The following AGAP1 variants were observed in gnomAD, a reference collection of about 807,000 sequenced individuals.
AGAP1 encodes ArfGAP with GTPase domain, ankyrin repeat and PH domain 1, also known as arf-GAP with GTPase, ANK repeat and PH domain-containing protein 1.
A neutral mutation model predicts 105.3 loss-of-function variants in AGAP1; 29 were observed. That is an observed-to-expected ratio of 0.28 (90% CI 0.21 to 0.38). The LOEUF is 0.38. Ranked by LOEUF, AGAP1 falls within the 10% of genes least tolerant of loss-of-function variation. The pLI, the probability that AGAP1 is intolerant of heterozygous loss-of-function variation, is 1.00. For synonymous variants in AGAP1, 509 were observed against 485.9 expected (o/e 1.05, Z -0.63); for missense variants, 998 against 1,165.1 (o/e 0.86, Z 2.09).
At chr2:235,711,290 C>G (rs1173825609) in intron 2 of AGAP1, among the ~76,000 whole-genome samples, 2 of 152,234 alleles carry the variant, frequency 1.3e-5, no homozygotes, top group African/African-American at 4.8e-5. Flanking sequence ...GCATTACAGA[C>G]TAACTGATCG....
In AGAP1 at chr2:235,557,035, A is replaced by C. The variant is rs976866591; in HGVS notation, c.163+62186A>C. Among the ~76,000 whole-genome samples the C allele has an allele frequency of 6.6e-6, 1 of 152,172 alleles. No individual in the cohort carries two copies. Among genetic ancestry groups the C allele is most frequent in the Non-Finnish European group, 1.5e-5 (1 of 68,030 alleles). ...AGGTTGGGGGGCGGATCCCGAAGGC[A>C]GACTTGGCCTTCCCAGCTGGCGCGG... is the stretch of plus-strand genomic sequence containing the variant. On this transcript the variant is annotated intron_variant, in intron 1 of 17. Transcript: ENST00000304032. The surrounding 1 kb of genome is among the most constrained non-coding windows in gnomAD (Gnocchi z 4.7).
rs1296590656 is a variant in AGAP1 at position 235,752,415 on chromosome 2, G to A, written c.673+1927G>A. Among the ~76,000 whole-genome samples, 3 of 152,166 alleles carry A rather than the reference G, an allele frequency of 2.0e-5. No homozygotes were observed. Among genetic ancestry groups the A allele is most frequent in the Admixed American group, 2.0e-4 (3 of 15,282 alleles). ...GTTGGTCTCAAACTCCTGAGCCCAG[G>A]CAATCTGCCCACCTTGGCCTCCCAA... On this transcript the variant is annotated intron_variant, in intron 6 of 17. Coordinates refer to ENST00000304032, the MANE Select transcript of AGAP1 (RefSeq NM_001037131.3). This position sits in a 1 kb window ranked among gnomAD's most constrained non-coding sequence, Gnocchi z 4.3.
In AGAP1 at chr2:235,792,379, A is replaced by G. The variant is rs547511293; in HGVS notation, c.674-5380A>G. On this transcript the variant is annotated intron_variant, in intron 6 of 17. Transcript: ENST00000304032. The surrounding 1 kb of genome is among the most constrained non-coding windows in gnomAD (Gnocchi z 5.3). ...CTATGGTCCTTATCCAGTAGTACTA[A>G]TGTGCGGAAATACCAGGAGTGGACA... 2.6e-5 allele frequency among the ~76,000 whole-genome samples: 4 copies of G among 152,282 alleles called. No homozygotes were observed. Among genetic ancestry groups the G allele is most frequent in the African/African-American group, 9.6e-5 (4 of 41,564 alleles).
Position 235,712,995 on chromosome 2 carries a change from A to T in AGAP1, c.222+3758A>T, listed in dbSNP as rs1237750891. Among the ~76,000 whole-genome samples the T allele has an allele frequency of 6.6e-6, 1 of 152,226 alleles. No individual in the cohort carries two copies. The highest frequency in any genetic ancestry group is 1.5e-5 in the Non-Finnish European group (1 of 68,036). On this transcript the variant is annotated intron_variant, in intron 2 of 17. Transcript: ENST00000304032. The surrounding 1 kb of genome is among the most constrained non-coding windows in gnomAD (Gnocchi z 6.0). Reference sequence around the variant, plus strand: ...GTGTGTGACTGAGGTGGTCTGTGAGATGGCTGTTCCAGCCAAACCAAACCC... The same window carrying T: ...GTGTGTGACTGAGGTGGTCTGTGAGTTGGCTGTTCCAGCCAAACCAAACCC...
At chr2:235,643,719 A>T (rs995418220) in intron 1 of AGAP1, among the ~76,000 whole-genome samples, 1 of 151,964 alleles carries the variant, frequency 6.6e-6, no homozygotes, top group Non-Finnish European at 1.5e-5. Context: ...TATCCATCTG[A>T]GCAAAACCCT....
intron 1 of AGAP1, among the ~76,000 whole-genome samples, chr2:235,638,783 T>A (rs1455707852): frequency 6.6e-6 from 1 of 152,198 alleles, no homozygotes; most frequent in East Asian, 1.9e-4. Context: ...GCCAGGAAGC[T>A]GGTTACAACC....
chr2:235,690,615 G>A lies in AGAP1; in HGVS notation c.164-18564G>A, dbSNP rs553040441. ...TGCTAAAGCTGAGAGCTACAGCAGA[G>A]CGTCTGCTTGAGGAGCTCTGACGGG... On this transcript the variant is annotated intron_variant, in intron 1 of 17. Coordinates refer to ENST00000304032, the MANE Select transcript of AGAP1 (RefSeq NM_001037131.3). The surrounding 1 kb of genome is among the most constrained non-coding windows in gnomAD (Gnocchi z 4.1). Among the ~76,000 whole-genome samples the A allele has an allele frequency of 2.0e-5, 3 of 152,282 alleles. 1 individual carries two copies. The highest frequency in any genetic ancestry group is 4.2e-4 in the South Asian group (2 of 4,816).
Position 235,967,322 on chromosome 2 carries a change from A to AC in AGAP1, c.1484-1134dup, listed in dbSNP as rs1018841909. Among the ~76,000 whole-genome samples the AC allele has an allele frequency of 6.6e-6, 1 of 150,592 alleles. No individual in the cohort carries two copies. Among genetic ancestry groups the AC allele is most frequent in the African/African-American group, 2.4e-5 (1 of 40,840 alleles). ...CCCCAGCTACCCTATTTTAAATGAC[A>AC]CCCCCCATCACTGCCGCCTCTCCCC... On this transcript the variant is annotated intron_variant, in intron 12 of 17. Transcript: ENST00000304032. This position sits in a 1 kb window ranked among gnomAD's most constrained non-coding sequence, Gnocchi z 4.7.
Position 236,038,930 on chromosome 2 carries a change from A to G in AGAP1, c.1801-1821A>G, listed in dbSNP as rs2057464267. Among the ~76,000 whole-genome samples the G allele has an allele frequency of 6.6e-6, 1 of 152,196 alleles. No individual in the cohort carries two copies. Among genetic ancestry groups the G allele is most frequent in the South Asian group, 2.1e-4 (1 of 4,824 alleles). ...CTTGGGTATCTAACCAAAGGGAATT[A>G]AAATTCAATAACGCATGATGCTAAT... On this transcript the variant is annotated intron_variant, in intron 14 of 17. Coordinates refer to ENST00000304032, the MANE Select transcript of AGAP1 (RefSeq NM_001037131.3). The surrounding 1 kb of genome is among the most constrained non-coding windows in gnomAD (Gnocchi z 4.5).
chr2:235,594,815 C>CTTGGA, intron 1 of AGAP1, among the ~76,000 whole-genome samples: 1 of 151,252 alleles, frequency 6.6e-6, no homozygotes, highest in Non-Finnish European at 1.5e-5. Flanking sequence ...CTCAAGTGAT[C>CTTGGA]CACCTGCCTC....
rs2056566036 is a variant in AGAP1, at chr2:236,012,906, A to C, written c.1646-23655A>C. On this transcript the variant is annotated intron_variant, in intron 13 of 17. Transcript: ENST00000304032. The surrounding 1 kb of genome is among the most constrained non-coding windows in gnomAD (Gnocchi z 4.9). ...GGATTATAGGCGTGCCCCACCATGC[A>C]CAGCTAATTTTTGTATTTTTAGTAG... Among the ~76,000 whole-genome samples, 1 of 152,006 alleles carries C rather than the reference A, an allele frequency of 6.6e-6. No homozygotes were observed. The highest frequency in any genetic ancestry group is 1.5e-5 in the Non-Finnish European group (1 of 67,992).
chr2:235,768,239 T>G (rs922451572), intron 6 of AGAP1, among the ~76,000 whole-genome samples: 27 of 152,232 alleles, frequency 1.8e-4, no homozygotes, highest in Non-Finnish European at 1.3e-4. Flanking sequence ...TTTGAGAAAT[T>G]GTAGCATCTC....
Position 236,058,669 on chromosome 2 carries a change from G to A in AGAP1, c.2114+9388G>A, listed in dbSNP as rs766635306. 4.6e-5 allele frequency among the ~76,000 whole-genome samples: 7 copies of A among 152,076 alleles called. No individual in the cohort carries two copies. The highest frequency in any genetic ancestry group is 1.0e-4 in the Non-Finnish European group (7 of 68,004). On this transcript the variant is annotated intron_variant, in intron 16 of 17. Coordinates refer to ENST00000304032, the MANE Select transcript of AGAP1 (RefSeq NM_001037131.3). This position sits in a 1 kb window ranked among gnomAD's most constrained non-coding sequence, Gnocchi z 4.6. Reference sequence around the variant, plus strand: ...GCTTTTCCCCTAAGATCACAAACAAGACAAGAATGTCACCAGATCTGTTCA... The same window carrying A: ...GCTTTTCCCCTAAGATCACAAACAAAACAAGAATGTCACCAGATCTGTTCA...
At position 235,702,934 on chromosome 2, in the gene AGAP1, G is replaced by GTTTTTTTTTTCTTTT. The variant is rs1553609551; in HGVS notation, c.164-6235_164-6234insCTTTTTTTTTTTTTT. On this transcript the variant is annotated intron_variant, in intron 1 of 17. Coordinates refer to ENST00000304032, the MANE Select transcript of AGAP1 (RefSeq NM_001037131.3). ...TGGTCACTGTGAGCCAGTTTTCTTGGTTTTTTTTTTTTGGACAGAGTCTGG... is the reference window on the plus strand; with the variant it reads ...TGGTCACTGTGAGCCAGTTTTCTTGGTTTTTTTTTTCTTTTTTTTTTTTTTTTGGACAGAGTCTGG... Among the ~76,000 whole-genome samples the GTTTTTTTTTTCTTTT allele has an allele frequency of 1.2e-3, 103 of 88,962 alleles. 9 individuals carry two copies. Among genetic ancestry groups the GTTTTTTTTTTCTTTT allele is most frequent in the Admixed American group, 4.6e-3 (31 of 6,678 alleles). The allele number at this position is 88,962 out of a possible 152,430, so 58.4% of individuals were successfully genotyped here. A position where few individuals can be genotyped will look rare whatever the true frequency, so the allele number is the denominator to read the frequency against.
chr2:235,560,855 C>G (rs986641830), intron 1 of AGAP1, among the ~76,000 whole-genome samples: 1 of 152,202 alleles, frequency 6.6e-6, no homozygotes, highest in African/African-American at 2.4e-5. Flanking sequence ...CCTCCCCTTT[C>G]CAACCTTCTA....
At chr2:235,686,656 TA>T (rs1949451746) in intron 1 of AGAP1, among the ~76,000 whole-genome samples, 6 of 58,456 alleles carry the variant, frequency 1.0e-4, no homozygotes, top group Admixed American at 3.9e-4. Context: ...GATATATATA[TA>T]TATATATATT....
rs917027767 is a variant in AGAP1, at chr2:236,101,993, C to G, written c.2115-18199C>G. On this transcript the variant is annotated intron_variant, in intron 16 of 17. Transcript: ENST00000304032. The surrounding 1 kb of genome is among the most constrained non-coding windows in gnomAD (Gnocchi z 4.9). The stretch of plus-strand genomic sequence containing the variant: ...GTCACAAACTTCCCTTATAAAACTT[C>G]CTTTGAGGCTGGGCCCGGTGGCTCA... 6.6e-6 allele frequency among the ~76,000 whole-genome samples: 1 copy of G among 152,222 alleles called. No individual in the cohort carries two copies. Among genetic ancestry groups the G allele is most frequent in the African/African-American group, 2.4e-5 (1 of 41,464 alleles).
At chr2:236,094,318 A>T (rs2059138462) in intron 16 of AGAP1, among the ~76,000 whole-genome samples, 1 of 150,734 alleles carries the variant, frequency 6.6e-6, no homozygotes, top group African/African-American at 2.4e-5. Context: ...TGCAAATACG[A>T]TGGGTCACCA....
chr2:235,746,662 G>A (rs1952978186), intron 5 of AGAP1, among the ~76,000 whole-genome samples: 1 of 152,014 alleles, frequency 6.6e-6, no homozygotes, highest in Non-Finnish European at 1.5e-5. Flanking sequence ...GCTTAAAGCT[G>A]CCTTGAAGTC....
Sources: allele counts gnomAD v4.1 joint callset (sites outside exome capture counted in the v4.1 genomes callset), GRCh38; gene constraint gnomAD v4.1.1; non-coding constraint Gnocchi (gnomAD v3.1); transcripts MANE v1.5; gene names NCBI Gene and HGNC (gene_info 2026-07-23, HGNC 2026-07-21).